The following IGSF11 variants were observed in gnomAD, a reference collection of about 807,000 sequenced individuals.
IGSF11 encodes CXADR like 1.
A neutral mutation model predicts 41.0 loss-of-function variants in IGSF11; 22 were observed. The observed-to-expected ratio is 0.54, with a 90% CI of 0.38 to 0.77. The LOEUF is 0.77. IGSF11 is among the 30% of genes least tolerant of loss of function. The pLI is 0.00. For missense variants in IGSF11, 444 were observed against 530.8 expected (o/e 0.84, Z 1.61); for synonymous variants, 219 against 201.3 (o/e 1.09, Z -0.74).
intron 1 of IGSF11, among the ~76,000 whole-genome samples, chr3:119,017,039 C>CCAAA (rs1553713302): frequency 7.9e-5 from 7 of 88,332 alleles, no homozygotes; most frequent in Non-Finnish European, 1.2e-4. Flanking sequence ...GGACGCAGGA[C>CCAAA]AAAAAAAAAA....
intron 4 of IGSF11, among the ~76,000 whole-genome samples, chr3:118,913,741 G>T (rs79728603): frequency 0.011 from 1,634 of 152,178 alleles, 32 homozygotes; most frequent in East Asian, 0.065. Flanking sequence ...GCAAACTTGT[G>T]GGTAAATCTA....
At chr3:118,993,518 T>A (rs539887368) in intron 1 of IGSF11, among the ~76,000 whole-genome samples, 1 of 152,146 alleles carries the variant, frequency 6.6e-6, no homozygotes, top group East Asian at 1.9e-4. Context: ...ATATGCAAGA[T>A]AAATAAAAAC....
chr3:118,949,421 A>T (rs1365583990), intron 1 of IGSF11: 1 of 152,186 alleles, frequency 6.6e-6, no homozygotes, highest in Non-Finnish European at 1.5e-5. Context: ...TATTGAAAAG[A>T]AATACAACAC....
chr3:119,029,146 A>G (rs1940118454), intron 1 of IGSF11, among the ~76,000 whole-genome samples: 1 of 148,002 alleles, frequency 6.8e-6, no homozygotes, highest in African/African-American at 2.5e-5. Context: ...CCAGCATGGT[A>G]GACATGGTAC....
intron 3 of IGSF11, among the ~76,000 whole-genome samples, chr3:118,927,661 C>T (rs115561122): frequency 1.3e-3 from 202 of 152,150 alleles, no homozygotes; most frequent in African/African-American, 3.6e-3. Flanking sequence ...ACAAGGACTG[C>T]GGGAGTAGAT....
chr3:119,045,420 T>C (rs533479897), intron 1 of IGSF11, among the ~76,000 whole-genome samples: 3 of 152,346 alleles, frequency 2.0e-5, no homozygotes, highest in South Asian at 4.1e-4. Context: ...CCCACCCGAA[T>C]ACTGCGCTTT....
chr3:119,082,337 G>T (rs1174611318), intron 1 of IGSF11, among the ~76,000 whole-genome samples: 1 of 152,098 alleles, frequency 6.6e-6, no homozygotes, highest in African/African-American at 2.4e-5. Context: ...CAGAAATCTG[G>T]CTCTGAGCTT....
At chr3:118,934,865 A>G (rs1274983556) in intron 1 of IGSF11, among the ~76,000 whole-genome samples, 2 of 152,180 alleles carry the variant, frequency 1.3e-5, no homozygotes, top group Non-Finnish European at 2.9e-5. Context: ...GACTCCTGGA[A>G]TCTGAGTCTT....
At chr3:119,074,256 A>G (rs1332260124) in intron 1 of IGSF11, among the ~76,000 whole-genome samples, 1 of 152,186 alleles carries the variant, frequency 6.6e-6, no homozygotes, top group Non-Finnish European at 1.5e-5. Context: ...CTGATGACAT[A>G]TTTGACCATA....
chr3:118,917,676 G>A (rs1412895875), intron 4 of IGSF11, among the ~76,000 whole-genome samples: 2 of 127,788 alleles, frequency 1.6e-5, no homozygotes, highest in Non-Finnish European at 3.2e-5. Flanking sequence ...TCTACCAGAG[G>A]TACAAGGAGG....
intron 1 of IGSF11, among the ~76,000 whole-genome samples, chr3:119,054,592 C>A (rs1941748392): frequency 6.6e-6 from 1 of 152,128 alleles, no homozygotes. Context: ...GGAATGTAAA[C>A]TAGTACAACC....
chr3:119,058,684 T>C (rs556125886), intron 1 of IGSF11, among the ~76,000 whole-genome samples: 3 of 152,352 alleles, frequency 2.0e-5, no homozygotes, highest in African/African-American at 7.2e-5. Flanking sequence ...TGTATGTTTA[T>C]TGCGGCACTA....
upstream of IGSF11, among the ~76,000 whole-genome samples, chr3:119,038,569 C>G (rs146679717): frequency 3.0e-3 from 454 of 152,260 alleles, no homozygotes; most frequent in African/African-American, 0.01. Context: ...CGAAATGCTA[C>G]TGAATTAATT....
intron 1 of IGSF11, among the ~76,000 whole-genome samples, chr3:119,059,427 T>A (rs974294947): frequency 7.2e-5 from 11 of 151,928 alleles, no homozygotes; most frequent in African/African-American, 2.4e-4. Context: ...TGGAGGGTGG[T>A]GATTACAAAA....
chr3:118,961,791 C>T (rs1489136888), intron 1 of IGSF11, among the ~76,000 whole-genome samples: 2 of 152,164 alleles, frequency 1.3e-5, no homozygotes, highest in Non-Finnish European at 2.9e-5. Context: ...TATGAAATAG[C>T]AATTTTAAAC....
chr3:118,950,806 C>G (rs996467684), intron 1 of IGSF11, among the ~76,000 whole-genome samples: 2 of 152,166 alleles, frequency 1.3e-5, no homozygotes, highest in African/African-American at 4.8e-5. Flanking sequence ...TCAACTAATG[C>G]CAGAGGCCTA....
rs568033689 is a variant in IGSF11 at position 119,047,908 on chromosome 3, A to T, written c.49+57236T>A. Among the ~76,000 whole-genome samples the T allele has an allele frequency of 5.9e-4, 90 of 152,320 alleles. 2 individuals carry two copies. Among genetic ancestry groups the T allele is most frequent in the Admixed American group, 5.7e-3 (87 of 15,300 alleles). ...GCTCCTGAATGACTACTGCGTACAT[A>T]ACGAAATGAAGGCAGAAATAAAGAT... is the stretch of plus-strand genomic sequence containing the variant. On this transcript the variant is annotated intron_variant, in intron 1 of 6. Transcript: ENST00000354673.
intron 4 of IGSF11, among the ~76,000 whole-genome samples, chr3:118,925,447 C>A (rs945115033): frequency 6.6e-6 from 1 of 152,190 alleles, no homozygotes; most frequent in Non-Finnish European, 1.5e-5. Flanking sequence ...ATTTCATTTT[C>A]TTGACCTAGA....
intron 1 of IGSF11, among the ~76,000 whole-genome samples, chr3:118,997,515 A>C (rs1936385102): frequency 1.3e-5 from 2 of 151,456 alleles, no homozygotes; most frequent in East Asian, 2.0e-4. Context: ...TATTTTCACA[A>C]CACCTCTGCT....
Sources: gnomAD v4.1 joint callset for allele counts (sites outside exome capture counted in the v4.1 genomes callset) on GRCh38, gnomAD v4.1.1 for gene constraint, MANE v1.5 for transcripts, NCBI Gene and HGNC (gene_info 2026-07-23, HGNC 2026-07-21) for gene names.